RCAN1: variants seen among roughly 807,000 people sequenced by gnomAD.
RCAN1 encodes regulator of calcineurin 1.
RCAN1 carries 11 observed loss-of-function variants against 22.9 expected under a neutral mutation model. That is an observed-to-expected ratio of 0.48 (90% confidence interval 0.30 to 0.79). The LOEUF (loss-of-function observed/expected upper bound fraction) is 0.79, where lower values mean the gene tolerates loss of function less well. Ranked by LOEUF, RCAN1 falls within the 30% of genes least tolerant of loss-of-function variation. The pLI is 0.06. For synonymous variants in RCAN1, 136 were observed against 142.3 expected (o/e 0.96, Z 0.32); for missense variants, 291 against 337.8 (o/e 0.86, Z 1.09).
chr21:34,579,277 T>A (rs1229775139), intron 1 of RCAN1, among the ~76,000 whole-genome samples: 1 of 152,032 alleles, frequency 6.6e-6, no homozygotes, highest in Non-Finnish European at 1.5e-5. Flanking sequence ...ATGCCTGTAG[T>A]CCCAGCTACT....
At chr21:34,609,411 C>A (rs1054117977) in intron 1 of RCAN1, among the ~76,000 whole-genome samples, 5 of 152,076 alleles carry the variant, frequency 3.3e-5, no homozygotes, top group Admixed American at 3.3e-4. Context: ...GTCTACCCAT[C>A]CCACACATGC....
At chr21:34,525,451 A>C (rs1025009910) in intron 1 of RCAN1, 2 of 1,362,134 alleles carry the variant, frequency 1.5e-6, no homozygotes, top group African/African-American at 2.9e-5. Context: ...ACCTCTCTTG[A>C]GCACGGGCAA....
intron 3 of RCAN1, among the ~76,000 whole-genome samples, chr21:34,520,040 C>T (rs1479067573): frequency 6.6e-6 from 1 of 152,138 alleles, no homozygotes; most frequent in African/African-American, 2.4e-5. Flanking sequence ...ACCTACTAAT[C>T]ATCGAAAATC....
At chr21:34,609,554 G>C (rs59777187) in intron 1 of RCAN1, among the ~76,000 whole-genome samples, 1 of 152,164 alleles carries the variant, frequency 6.6e-6, no homozygotes, top group African/African-American at 2.4e-5. Context: ...AAGAGACAAA[G>C]AATATAGCCT....
chr21:34,529,140 A>G (rs546580364), intron 1 of RCAN1, among the ~76,000 whole-genome samples: 6 of 152,320 alleles, frequency 3.9e-5, no homozygotes, highest in African/African-American at 1.4e-4. Flanking sequence ...GATCAGGAGT[A>G]AGAGCCGGTC....
chr21:34,591,214 C>T (rs1010393179), intron 1 of RCAN1, among the ~76,000 whole-genome samples: 1 of 152,140 alleles, frequency 6.6e-6, no homozygotes, highest in Non-Finnish European at 1.5e-5. Context: ...AAATGAAACC[C>T]CTGCCCACAT....
chr21:34,606,158 C>A (rs898869681), intron 1 of RCAN1, among the ~76,000 whole-genome samples: 1 of 152,022 alleles, frequency 6.6e-6, no homozygotes, highest in African/African-American at 2.4e-5. Context: ...GAGAAAGGGG[C>A]CCCAGATGGG....
intron 1 of RCAN1, among the ~76,000 whole-genome samples, chr21:34,601,628 C>T (rs1001605886): frequency 1.1e-4 from 17 of 152,108 alleles, no homozygotes; most frequent in East Asian, 1.9e-4. Context: ...ATCATCTTGG[C>T]TAACACGGTG....
intron 1 of RCAN1, among the ~76,000 whole-genome samples, chr21:34,540,376 G>T (rs758101609): frequency 3.3e-5 from 5 of 152,186 alleles, no homozygotes; most frequent in Non-Finnish European, 7.3e-5. Flanking sequence ...CCTACACTGA[G>T]CAGATTCTTG....
At chr21:34,570,359 ATT>A in intron 1 of RCAN1, among the ~76,000 whole-genome samples, 1 of 152,336 alleles carries the variant, frequency 6.6e-6, no homozygotes, top group African/African-American at 2.4e-5. Flanking sequence ...GACTAGAGTG[ATT>A]TGCTTCTGCA....
At chr21:34,567,574 A>G (rs1401863815) in intron 1 of RCAN1, among the ~76,000 whole-genome samples, 4 of 150,454 alleles carry the variant, frequency 2.7e-5, no homozygotes, top group South Asian at 2.1e-4. Context: ...AAAAAAAGAA[A>G]GAAACTCCTG....
At chr21:34,536,997 C>T (rs1201945527) in intron 1 of RCAN1, among the ~76,000 whole-genome samples, 1 of 152,222 alleles carries the variant, frequency 6.6e-6, no homozygotes, top group East Asian at 1.9e-4. Flanking sequence ...GAAGTCCCAA[C>T]AGGGCACTGC....
intron 1 of RCAN1, chr21:34,613,950 C>A: frequency 1.0e-6 from 1 of 953,032 alleles, no homozygotes; most frequent in Non-Finnish European, 1.4e-6. Context: ...TTCTGTGACG[C>A]CCACGTTGTC....
At chr21:34,568,332 C>T (rs998216018) in intron 1 of RCAN1, among the ~76,000 whole-genome samples, 5 of 152,216 alleles carry the variant, frequency 3.3e-5, no homozygotes, top group African/African-American at 1.2e-4. Flanking sequence ...TCCCACAAAT[C>T]CAACACAGGA....
intron 1 of RCAN1, among the ~76,000 whole-genome samples, chr21:34,592,005 C>A (rs1467391528): frequency 6.6e-6 from 1 of 152,208 alleles, no homozygotes. Context: ...CTTAAGAAAG[C>A]TGGGGGGAAA....
At chr21:34,571,226 G>C (rs1987224089) in intron 1 of RCAN1, among the ~76,000 whole-genome samples, 1 of 152,206 alleles carries the variant, frequency 6.6e-6, no homozygotes, top group South Asian at 2.1e-4. Context: ...CCGGGAGGCG[G>C]AGGTTGTGGT....
At chr21:34,604,401 A>T (rs1441355404) in intron 1 of RCAN1, among the ~76,000 whole-genome samples, 1 of 152,074 alleles carries the variant, frequency 6.6e-6, no homozygotes, top group East Asian at 1.9e-4. Context: ...CAAAGTGCTG[A>T]AATTACAGGG....
At chr21:34,545,710 C>G (rs1986105932) in intron 1 of RCAN1, among the ~76,000 whole-genome samples, 1 of 152,212 alleles carries the variant, frequency 6.6e-6, no homozygotes, top group African/African-American at 2.4e-5. Flanking sequence ...CCCTGCTGGT[C>G]AGTCCCCTCT....
At chr21:34,532,867 C>T (rs1421650808) in intron 1 of RCAN1, among the ~76,000 whole-genome samples, 1 of 152,144 alleles carries the variant, frequency 6.6e-6, no homozygotes, top group East Asian at 1.9e-4. Flanking sequence ...TCGAACATTG[C>T]AAATTCCAAC....
Sources: gnomAD v4.1 joint callset for allele counts (sites outside exome capture counted in the v4.1 genomes callset) on GRCh38, gnomAD v4.1.1 for gene constraint, MANE v1.5 for transcripts, NCBI Gene and HGNC (gene_info 2026-07-23, HGNC 2026-07-21) for gene names.